PIK3C2G: variants seen among roughly 807,000 people sequenced by gnomAD.
The protein encoded by PIK3C2G is phosphatidylinositol 3-kinase C2 domain-containing subunit gamma.
PIK3C2G carries 168 observed loss-of-function variants against 181.1 expected under a neutral mutation model. That is an observed-to-expected ratio of 0.93 (90% CI 0.82 to 1.05). The LOEUF is 1.05. PIK3C2G is among the 50% of genes least tolerant of loss of function. The pLI, the probability that PIK3C2G is intolerant of heterozygous loss-of-function variation, is 0.00. For missense variants in PIK3C2G, 1,869 were observed against 1,732.8 expected (o/e 1.08, Z -1.40); for synonymous variants, 573 against 592.2 (o/e 0.97, Z 0.47).
Position 18,346,738 on chromosome 12 carries a change from T to G in PIK3C2G, c.1527T>G (p.Asn509Lys). Residue 509 changes from asparagine to lysine, a missense_variant, in exon 11 of 33, where the codon AAT (asparagine) becomes AAG (lysine). Transcript: ENST00000538779. ...NSFYADFQPV[N>K]VPRCTSYLNP... ...TTTATGCAGATTTTCAGCCTGTAAATGTACCTAGATGCACTTCCTATCTAA... is the reference window on the plus strand; with the variant it reads ...TTTATGCAGATTTTCAGCCTGTAAAGGTACCTAGATGCACTTCCTATCTAA... The G allele has an allele frequency of 6.2e-7, 1 of 1,613,552 alleles. No homozygotes were observed. Among genetic ancestry groups the G allele is most frequent in the Non-Finnish European group, 8.5e-7 (1 of 1,179,566 alleles).
rs530897231 is a variant in PIK3C2G, at chr12:18,474,773, T to C, written c.2505-13676T>C. On this transcript the variant is annotated intron_variant, in intron 18 of 32. Coordinates refer to ENST00000538779, the MANE Select transcript of PIK3C2G (RefSeq NM_001288772.2). ...AGAATCCTTCTAAAGATAGAGCATG[T>C]AAATATTTGATTCATAATTCAAATA... Among the ~76,000 whole-genome samples, 7 of 152,316 alleles carry C rather than the reference T, an allele frequency of 4.6e-5. 1 individual carries two copies. Among genetic ancestry groups the C allele is most frequent in the Admixed American group, 3.9e-4 (6 of 15,280 alleles).
chr12:18,415,253 T>C (rs903126113), intron 16 of PIK3C2G, among the ~76,000 whole-genome samples: 1 of 152,218 alleles, frequency 6.6e-6, no homozygotes, highest in African/African-American at 2.4e-5. Context: ...ATGTGCTTAC[T>C]TTGTGTAACT....
chr12:18,278,004 AAT>A (rs1198734512), intron 1 of PIK3C2G, among the ~76,000 whole-genome samples: 2 of 152,108 alleles, frequency 1.3e-5, no homozygotes, highest in East Asian at 1.9e-4. Context: ...TCCAACCAAT[AAT>A]AGAGAGCTTT....
chr12:18,311,167 A>C (rs1950620107), intron 5 of PIK3C2G, among the ~76,000 whole-genome samples: 1 of 152,016 alleles, frequency 6.6e-6, no homozygotes. Context: ...AAATCTGATA[A>C]TTATGGTGCC....
chr12:18,293,948 A>G lies in PIK3C2G; in HGVS notation c.967A>G (p.Thr323Ala). 6.2e-7 allele frequency: 1 copy of G among 1,600,658 alleles called. No individual in the cohort carries two copies. Among genetic ancestry groups the G allele is most frequent in the Non-Finnish European group, 8.6e-7 (1 of 1,167,978 alleles). ...AATTGCAGAAATTCTGCATTTTTGC[A>G]CAAATGACCAGCTACTCCCCAAAGA... ...DLIAEILHFC[T>A]NDQLLPKDHI... The change falls in exon 5 of 33, where the codon ACA (threonine) becomes GCA (alanine). Residue 323 changes from threonine (T) to alanine (A), a missense_variant. Thr to Ala is a moderately conservative substitution (Grantham distance 58, BLOSUM62 0). Transcript: ENST00000538779.
At chr12:18,713,049 T>C in the PIK3C2G span, 1 of 1,584,112 alleles carries the variant, frequency 6.3e-7, no homozygotes. Context: ...TACCAAAGTA[T>C]TAAAATATTC....
intron 9 of PIK3C2G, 130 bp from the exon 10 acceptor site, chr12:18,343,197 G>T: frequency 1.7e-6 from 1 of 605,518 alleles, no homozygotes; most frequent in Non-Finnish European, 3.0e-6. Flanking sequence ...ATTGATATAT[G>T]ATGCCAAGAA....
intron 1 of PIK3C2G, among the ~76,000 whole-genome samples, chr12:18,277,829 T>C (rs1380193512): frequency 6.6e-6 from 1 of 152,158 alleles, no homozygotes; most frequent in East Asian, 1.9e-4. Context: ...GTCGAAATTT[T>C]GTCTATACTT....
intron 25 of PIK3C2G, among the ~76,000 whole-genome samples, chr12:18,541,918 C>T (rs570687285): frequency 1.4e-4 from 22 of 151,972 alleles, no homozygotes; most frequent in Non-Finnish European, 1.5e-5. Flanking sequence ...TAAGGGCAAA[C>T]TTGGCACATG....
the PIK3C2G span, among the ~76,000 whole-genome samples, chr12:18,660,439 T>C: frequency 0.38 from 58,091 of 152,036 alleles, 13,798 homozygotes; most frequent in South Asian, 0.59. Flanking sequence ...CAGGGGGGTT[T>C]AAAGGGCCAG....
intron 1 of PIK3C2G, among the ~76,000 whole-genome samples, chr12:18,277,466 A>C (rs537061526): frequency 6.6e-6 from 1 of 152,180 alleles, no homozygotes; most frequent in Admixed American, 6.6e-5. Context: ...ACATTGACAC[A>C]TCCTGTCTTG....
chr12:18,682,591 A>G, the PIK3C2G span, among the ~76,000 whole-genome samples: 1 of 152,062 alleles, frequency 6.6e-6, no homozygotes, highest in Non-Finnish European at 1.5e-5. Context: ...ATTCAGAAAC[A>G]TTGCAAATTA....
intron 15 of PIK3C2G, among the ~76,000 whole-genome samples, chr12:18,393,840 A>G (rs2138071481): frequency 6.6e-6 from 1 of 152,282 alleles, no homozygotes; most frequent in East Asian, 1.9e-4. Context: ...GAATATAAGA[A>G]GAGAATGCAG....
chr12:18,503,236 T>C (rs746696793), intron 22 of PIK3C2G, 45 bp from the exon 23 acceptor site: 4 of 1,460,232 alleles, frequency 2.7e-6, no homozygotes, highest in Admixed American at 2.0e-5. Flanking sequence ...CTCCCTCATC[T>C]TGTGATGAAG....
chr12:18,523,993 C>G (rs1943074586), intron 24 of PIK3C2G, among the ~76,000 whole-genome samples: 1 of 152,188 alleles, frequency 6.6e-6, no homozygotes, highest in South Asian at 2.1e-4. Flanking sequence ...GCTAGTCTCT[C>G]TGGTATGGCA....
intron 29 of PIK3C2G, among the ~76,000 whole-genome samples, chr12:18,589,296 A>G (rs933066776): frequency 6.6e-6 from 1 of 152,010 alleles, no homozygotes; most frequent in African/African-American, 2.4e-5. Context: ...AAACAGTGTG[A>G]TGGGAATGTT....
chr12:18,575,306 A>G (rs1946178573), intron 29 of PIK3C2G, among the ~76,000 whole-genome samples: 1 of 152,190 alleles, frequency 6.6e-6, no homozygotes, highest in African/African-American at 2.4e-5. Context: ...TAGAGCTACT[A>G]AATCAGAAAC....
chr12:18,641,145 C>T (rs1949819073), intron 32 of PIK3C2G, among the ~76,000 whole-genome samples: 1 of 152,056 alleles, frequency 6.6e-6, no homozygotes, highest in Admixed American at 6.6e-5. Flanking sequence ...CTGTCTCATC[C>T]ACAGGATCCT....
intron 31 of PIK3C2G, among the ~76,000 whole-genome samples, chr12:18,616,828 A>G (rs951510359): frequency 2.0e-5 from 3 of 152,166 alleles, no homozygotes; most frequent in African/African-American, 4.8e-5. Flanking sequence ...GTTTTATAAA[A>G]TTGTTTTAAA....
Sources: gnomAD v4.1 joint callset for allele counts (sites outside exome capture counted in the v4.1 genomes callset) on GRCh38, gnomAD v4.1.1 for gene constraint, MANE v1.5 for transcripts, NCBI Gene and HGNC (gene_info 2026-07-23, HGNC 2026-07-21) for gene names.